TMOD3: variants seen among roughly 807,000 people sequenced by gnomAD.
TMOD3 encodes the protein tropomodulin 3.
In TMOD3, 20 loss-of-function variants were observed where a neutral mutation model predicts 39.2. The observed-to-expected ratio is 0.51, with a 90% confidence interval of 0.36 to 0.74. TMOD3 has a LOEUF of 0.74. Among genes scored for constraint, TMOD3 ranks in the 30% least tolerant of loss-of-function variants. TMOD3 has a pLI of 0.00. For synonymous variants in TMOD3, 143 were observed against 145.8 expected, an observed-to-expected ratio of 0.98 and a Z score of 0.14; for missense variants, 381 against 412.8, an observed-to-expected ratio of 0.92 and a Z score of 0.67.
At chr15:51,886,653 G>A (rs2570225) in intron 3 of TMOD3, among the ~76,000 whole-genome samples, 7,455 of 151,182 alleles carry the variant, frequency 0.049, 422 homozygotes, top group African/African-American at 0.12. Context: ...GAGGGAGACC[G>A]TGGAGAGAGA....
chr15:51,882,679 C>T (rs915686299), intron 3 of TMOD3, among the ~76,000 whole-genome samples: 4 of 152,118 alleles, frequency 2.6e-5, no homozygotes, highest in African/African-American at 9.7e-5. Context: ...ATCTAAATGT[C>T]TTTCTAGTCC....
rs1347409557 is a variant in TMOD3, at chr15:51,869,373, G to A, written c.283G>A (p.Gly95Arg). Residue 95 changes from glycine to arginine, a missense_variant and splice_region_variant, in exon 3 of 10, where the codon GGG becomes AGG. By Grantham distance (125) the Gly-to-Arg change is moderately radical. Transcript: ENST00000308580. ...DYVPYTGEKK[G>R]KIFIPKQKPV... is the part of the protein sequence containing the mutation. ...TGTGCCCTACACTGGAGAAAAAAAA[G>A]GTAAGCCCCAGAATTTTAAAGTCAT... The A allele has an allele frequency of 6.2e-7, 1 of 1,609,510 alleles. No homozygotes were observed. Among genetic ancestry groups the A allele is most frequent in the Non-Finnish European group, 8.5e-7 (1 of 1,178,870 alleles).
chr15:51,835,691 G>C (rs773072841), intron 1 of TMOD3, among the ~76,000 whole-genome samples: 11 of 152,140 alleles, frequency 7.2e-5, no homozygotes, highest in Admixed American at 2.0e-4. Flanking sequence ...AATTTTTAGG[G>C]AGACAGTTTG....
intron 3 of TMOD3, among the ~76,000 whole-genome samples, chr15:51,876,840 C>A (rs886518815): frequency 1.3e-5 from 2 of 152,038 alleles, no homozygotes; most frequent in African/African-American, 2.4e-5. Flanking sequence ...GCGGGAGGAT[C>A]ACTTGAGGTC....
chr15:51,857,585 T>A (rs2056394705), intron 1 of TMOD3, among the ~76,000 whole-genome samples: 1 of 152,182 alleles, frequency 6.6e-6, no homozygotes, highest in Non-Finnish European at 1.5e-5. Context: ...AGAATGATCA[T>A]TGAATTTATG....
rs986734869 is a variant in TMOD3 at position 51,896,581 on chromosome 15, G to C, written c.735+55G>C. ...TATGACATGCCCAGGGTGTGTTACAGTGGTGATTTTTATGAACAAGATTTA... is the reference window on the plus strand; with the variant it reads ...TATGACATGCCCAGGGTGTGTTACACTGGTGATTTTTATGAACAAGATTTA... On this transcript the variant is annotated intron_variant, in intron 7 of 9. Coordinates refer to ENST00000308580, the MANE Select transcript of TMOD3 (RefSeq NM_014547.5). 4.5e-6 allele frequency: 6 copies of C among 1,346,616 alleles called. No individual in the cohort carries two copies. In the African/African-American group the frequency reaches 5.8e-5, roughly 13 times the overall value. 83.4% of individuals were successfully genotyped at this position (1,346,616 alleles called of 1,614,324 possible). A position where few individuals can be genotyped will look rare whatever the true frequency, so the allele number is the denominator to read the frequency against.
At chr15:51,839,054 T>C (rs1331895038) in intron 1 of TMOD3, among the ~76,000 whole-genome samples, 3 of 152,194 alleles carry the variant, frequency 2.0e-5, no homozygotes, top group Non-Finnish European at 2.9e-5. Flanking sequence ...TTGGGGTTGT[T>C]CATCTCAAAA....
chr15:51,889,029 A>G, intron 4 of TMOD3, 27 bp from the exon 5 acceptor site: 5 of 1,466,930 alleles, frequency 3.4e-6, no homozygotes, highest in Non-Finnish European at 4.7e-6. Context: ...TTAAAACAAT[A>G]AAAACTTTCT....
At chr15:51,841,833 G>T (rs2056314132) in intron 1 of TMOD3, among the ~76,000 whole-genome samples, 1 of 152,064 alleles carries the variant, frequency 6.6e-6, no homozygotes, top group Non-Finnish European at 1.5e-5. Flanking sequence ...GCGGTGGCAC[G>T]ATCTTGGCTC....
intron 1 of TMOD3, among the ~76,000 whole-genome samples, chr15:51,844,361 G>A (rs958184766): frequency 6.6e-6 from 1 of 152,186 alleles, no homozygotes; most frequent in East Asian, 1.9e-4. Context: ...GTAAATGAAT[G>A]ATGGGGGGAG....
intron 1 of TMOD3, among the ~76,000 whole-genome samples, chr15:51,855,665 CAA>C (rs1263844020): frequency 1.3e-5 from 2 of 152,196 alleles, no homozygotes; most frequent in African/African-American, 4.8e-5. Flanking sequence ...TTTCTGTAGA[CAA>C]AGTGTAGATT....
At chr15:51,854,045 T>C (rs1461680537) in intron 1 of TMOD3, among the ~76,000 whole-genome samples, 1 of 152,130 alleles carries the variant, frequency 6.6e-6, no homozygotes, top group Non-Finnish European at 1.5e-5. Flanking sequence ...ATAGGCTATG[T>C]GATGGGGAGC....
chr15:51,896,226 ATG>A (rs1302171219), intron 6 of TMOD3, among the ~76,000 whole-genome samples, 191 bp from the exon 7 acceptor site: 2 of 152,214 alleles, frequency 1.3e-5, no homozygotes, highest in Non-Finnish European at 2.9e-5. Flanking sequence ...GTTTATGCAA[ATG>A]CTCCATCGTA....
chr15:51,868,918 G>A (rs2056460839), intron 2 of TMOD3, among the ~76,000 whole-genome samples: 1 of 152,220 alleles, frequency 6.6e-6, no homozygotes, highest in South Asian at 2.1e-4. Context: ...GTTGCAGTGA[G>A]CTGAGATCAT....
intron 4 of TMOD3, among the ~76,000 whole-genome samples, 162 bp downstream of exon 4, chr15:51,887,873 A>T (rs2056573187): frequency 6.6e-6 from 1 of 152,248 alleles, no homozygotes; most frequent in Admixed American, 6.5e-5. Context: ...AAGCTGACGT[A>T]AAGAGTTTCA....
In TMOD3 at chr15:51,852,244, A is replaced by G. The variant is rs116388770; in HGVS notation, c.-74-10567A>G. ...TATTCATCTGGGAATCTTGAGATCA[A>G]AAAAATTCTCTGATCTGGTGGGTTG... On this transcript the variant is annotated intron_variant, in intron 1 of 9. Coordinates refer to ENST00000308580, the MANE Select transcript of TMOD3 (RefSeq NM_014547.5). Among the ~76,000 whole-genome samples, 336 of 152,264 alleles carry G rather than the reference A, an allele frequency of 2.2e-3. 4 individuals carry two copies. Among genetic ancestry groups the G allele is most frequent in the African/African-American group, 7.9e-3 (330 of 41,542 alleles).
At chr15:51,868,075 T>C (rs1322141611) in intron 2 of TMOD3, among the ~76,000 whole-genome samples, 1 of 152,222 alleles carries the variant, frequency 6.6e-6, no homozygotes. Context: ...TGTATATATG[T>C]ACGCATACAC....
intron 9 of TMOD3, among the ~76,000 whole-genome samples, chr15:51,903,975 C>G (rs1268827274): frequency 6.6e-6 from 1 of 152,172 alleles, no homozygotes; most frequent in East Asian, 1.9e-4. Context: ...CTGTTGTTCT[C>G]CTGTTATGCA....
intron 3 of TMOD3, among the ~76,000 whole-genome samples, chr15:51,886,430 C>T (rs183098020): frequency 2.6e-5 from 4 of 152,364 alleles, no homozygotes; most frequent in East Asian, 3.9e-4. Flanking sequence ...CTCGGGAGGC[C>T]GAGGCGGGCA....
Sources: gnomAD v4.1 joint callset for allele counts (sites outside exome capture counted in the v4.1 genomes callset) on GRCh38, gnomAD v4.1.1 for gene constraint, MANE v1.5 for transcripts, NCBI Gene and HGNC (gene_info 2026-07-23, HGNC 2026-07-21) for gene names.